Variants in MAP4K5 observed in about 807,000 individuals in gnomAD.
MAP4K5 encodes mitogen-activated protein kinase kinase kinase kinase 5, also known as MAPK/ERK kinase kinase kinase 5.
Under a neutral mutation model 135.6 loss-of-function variants are expected in MAP4K5, and 82 were observed. That is an observed-to-expected ratio of 0.60 (90% CI 0.51 to 0.73). The LOEUF is 0.73. MAP4K5 is among the 30% of genes least tolerant of loss of function. The pLI is 0.00. For missense variants in MAP4K5, 907 were observed against 1,010.9 expected (o/e 0.90, Z 1.39); for synonymous variants, 347 against 335.0 (o/e 1.04, Z -0.39).
intron 19 of MAP4K5, 34 bp from the exon 20 acceptor site, chr14:50,443,804 C>A (rs1204866042): frequency 3.2e-6 from 5 of 1,570,068 alleles, no homozygotes; most frequent in Non-Finnish European, 4.3e-6. Context: ...AGTGTAAGAC[C>A]TCCTAAGTCT....
chr14:50,560,470 G>T, intron 1 of MAP4K5: 3 of 869,774 alleles, frequency 3.4e-6, no homozygotes, highest in Non-Finnish European at 5.4e-6. Flanking sequence ...ATGGCCGAGC[G>T]GTACCCGCGT....
In MAP4K5 at chr14:50,438,005, T is replaced by C. The variant is rs769140622; in HGVS notation, c.1712A>G (p.Lys571Arg). 2 of 1,564,188 alleles carry C rather than the reference T, an allele frequency of 1.3e-6. No individual in the cohort carries two copies. The highest frequency in any genetic ancestry group is 1.8e-6 in the Non-Finnish European group (2 of 1,135,940). The change falls in exon 25 of 33, where the codon AAA becomes AGA. Residue 571 changes from lysine (K) to arginine (R), a missense_variant. Around this residue, in one of 3 missense-constraint regions of MAP4K5, gnomAD observed 690 missense variants for 777.4 expected, o/e 0.89. Coordinates refer to ENST00000682126, the MANE Select transcript of MAP4K5 (RefSeq NM_006575.6). ...NNTLMSLSEG[K>R]TFQLYSHNLI... ...ATTGTGAGAGTAGAGCTGAAAGGTTTTTCCTATAAAAGAAAAACATGTTAC... is the reference window on the plus strand; with the variant it reads ...ATTGTGAGAGTAGAGCTGAAAGGTTCTTCCTATAAAAGAAAAACATGTTAC...
chr14:50,440,390 T>C lies in MAP4K5; in HGVS notation c.1616A>G (p.Asn539Ser), dbSNP rs752654659. ...TEDGIYTLNL[N>S]ELHEATMEQL... ...TTCCATCGTTGCCTCATGTAGCTCATTGAGATTCAGTGTGTAAATACCATC... is the reference window on the plus strand; with the variant it reads ...TTCCATCGTTGCCTCATGTAGCTCACTGAGATTCAGTGTGTAAATACCATC... Residue 539 changes from asparagine to serine, a missense_variant, in exon 22 of 33, where the codon AAT becomes AGT. Around this residue, in one of 3 missense-constraint regions of MAP4K5, gnomAD observed 690 missense variants for 777.4 expected, o/e 0.89. Transcript: ENST00000682126. The C allele has an allele frequency of 3.7e-6, 6 of 1,604,874 alleles. No individual in the cohort carries two copies. Among genetic ancestry groups the C allele is most frequent in the South Asian group, 3.3e-5 (3 of 89,930 alleles).
chr14:50,538,711 T>C (rs1566704231), intron 2 of MAP4K5, among the ~76,000 whole-genome samples: 1 of 152,210 alleles, frequency 6.6e-6, no homozygotes, highest in Non-Finnish European at 1.5e-5. Flanking sequence ...TCTCCTTTTC[T>C]TTGTCTCTGC....
intron 5 of MAP4K5, 198 bp from the exon 6 acceptor site, chr14:50,482,614 T>C (rs1387609655): frequency 5.0e-6 from 2 of 396,170 alleles, no homozygotes; most frequent in Non-Finnish European, 9.2e-6. Context: ...CCGTCTCTAC[T>C]AAAAATACAA....
intron 1 of MAP4K5, among the ~76,000 whole-genome samples, chr14:50,547,480 A>G (rs1308765421): frequency 1.3e-5 from 2 of 152,216 alleles, no homozygotes; most frequent in African/African-American, 4.8e-5. Flanking sequence ...CAAAAAGAAT[A>G]TGGGCCAAAT....
intron 3 of MAP4K5, among the ~76,000 whole-genome samples, chr14:50,493,536 G>A (rs1048564692): frequency 6.6e-6 from 1 of 151,794 alleles, no homozygotes; most frequent in African/African-American, 2.4e-5. Context: ...CAGATGACAC[G>A]ATCATATGTA....
chr14:50,482,361 C>A lies in MAP4K5; in HGVS notation c.378G>T (p.Gln126His), dbSNP rs866752636. 1 of 1,498,676 alleles carries A rather than the reference C, an allele frequency of 6.7e-7. No individual in the cohort carries two copies. The allele number at this position is 1,498,676 out of a possible 1,614,324, so 92.8% of individuals were successfully genotyped here. The part of the protein sequence containing the change: ...QIAYVCRETL[Q>H]GLAYLHTKGK... ...TAACTATATTAAGAAAATATAGTAC[C>A]TGTAAGGTTTCTCTGCATACATAGG... Residue 126 changes from glutamine (Q) to histidine (H), a missense_variant and splice_region_variant, in exon 6 of 33, where the codon CAG becomes CAT. Gln to His is a conservative substitution (Grantham distance 24). Coordinates refer to ENST00000682126, the MANE Select transcript of MAP4K5 (RefSeq NM_006575.6).
In MAP4K5 at chr14:50,434,587, A is replaced by G. The variant is rs1468175507; in HGVS notation, c.1987-16T>C. The G allele has an allele frequency of 1.3e-6, 2 of 1,562,328 alleles. No homozygotes were observed. Among genetic ancestry groups the G allele is most frequent in the Non-Finnish European group, 1.7e-6 (2 of 1,153,124 alleles). ...AATCAAAGTGCTGCAAAAAAAATAA[A>G]CAATAGAGCCATAATTCAGAAACAA... On this transcript the variant is annotated splice_polypyrimidine_tract_variant and intron_variant, in intron 27 of 32. Coordinates refer to ENST00000682126, the MANE Select transcript of MAP4K5 (RefSeq NM_006575.6).
chr14:50,494,621 C>T (rs1448505218), intron 3 of MAP4K5, among the ~76,000 whole-genome samples: 2 of 152,012 alleles, frequency 1.3e-5, no homozygotes. Flanking sequence ...ATAGCCAAAA[C>T]AATTTTGAAA....
At chr14:50,494,995 A>C (rs1460723967) in intron 3 of MAP4K5, among the ~76,000 whole-genome samples, 1 of 152,224 alleles carries the variant, frequency 6.6e-6, no homozygotes, top group Non-Finnish European at 1.5e-5. Context: ...TCACAGAAGA[A>C]AAGCTTCATG....
rs1429086473 is a variant in MAP4K5, at chr14:50,419,876, A to T, written c.*143T>A. ...TGTTTCCAGCTGCAGAAAATATTGA[A>T]TTCTACCCTAAAGTACAGATCATTT... On this transcript the variant is annotated 3_prime_UTR_variant, in exon 33 of 33. Transcript: ENST00000682126. The T allele has an allele frequency of 1.6e-6, 1 of 620,392 alleles. No individual in the cohort carries two copies. The highest frequency in any genetic ancestry group is 2.7e-5 in the Admixed American group (1 of 37,416). 38.4% of individuals were successfully genotyped at this position (620,392 alleles called of 1,614,324 possible). A position where few individuals can be genotyped will look rare whatever the true frequency, so the allele number is the denominator to read the frequency against.
intron 16 of MAP4K5, among the ~76,000 whole-genome samples, chr14:50,446,378 T>C (rs1458354691): frequency 2.6e-5 from 4 of 152,204 alleles, no homozygotes; most frequent in Admixed American, 1.3e-4. Context: ...ATATTTCTTA[T>C]GTAATAAAAA....
At chr14:50,438,990 A>G (rs1438206816) in intron 23 of MAP4K5, among the ~76,000 whole-genome samples, 3 of 152,154 alleles carry the variant, frequency 2.0e-5, no homozygotes, top group Admixed American at 2.0e-4. Flanking sequence ...TGTCAACTCA[A>G]ACAGAATTGG....
chr14:50,448,458 C>A, intron 15 of MAP4K5, among the ~76,000 whole-genome samples: 2 of 150,308 alleles, frequency 1.3e-5, no homozygotes. Flanking sequence ...TACTATAAAA[C>A]AAACAGAATC....
intron 1 of MAP4K5, among the ~76,000 whole-genome samples, chr14:50,553,106 C>A (rs1256475314): frequency 6.6e-6 from 1 of 151,918 alleles, no homozygotes; most frequent in Non-Finnish European, 1.5e-5. Context: ...ACCAGCCTGG[C>A]AAACATGGTG....
chr14:50,468,584 G>C (rs921337680), intron 10 of MAP4K5, 67 bp downstream of exon 10: 15 of 1,463,462 alleles, frequency 1.0e-5, no homozygotes, highest in Non-Finnish European at 1.3e-5. Flanking sequence ...TTGATGCTGA[G>C]TTATCAGCAT....
chr14:50,460,870 AT>A lies in MAP4K5; in HGVS notation c.936+1794del, dbSNP rs1595465915. Among the ~76,000 whole-genome samples, 4 of 150,782 alleles carry A rather than the reference AT, an allele frequency of 2.7e-5. No homozygotes were observed. In the East Asian group the frequency reaches 7.8e-4, roughly 29 times the overall value. On this transcript the variant is annotated intron_variant, in intron 13 of 32. Transcript: ENST00000682126. ...GGTTCCATTTCCTATTGGCCATATG[AT>A]GCTGGGCAAATTACTTTCATTTTTT...
At chr14:50,525,851 T>A (rs919848439) in intron 2 of MAP4K5, among the ~76,000 whole-genome samples, 1 of 151,912 alleles carries the variant, frequency 6.6e-6, no homozygotes, top group South Asian at 2.1e-4. Flanking sequence ...CTCAAAAAAA[T>A]AAAAATAAAT....
Sources: gnomAD v4.1 joint callset for allele counts (sites outside exome capture counted in the v4.1 genomes callset) on GRCh38, gnomAD v4.1.1 for gene constraint, gnomAD v4.1.1 regional missense constraint, MANE v1.5 for transcripts, NCBI Gene and HGNC (gene_info 2026-07-23, HGNC 2026-07-21) for gene names.